RIOX1: variants seen among roughly 807,000 people sequenced by gnomAD.
RIOX1 encodes the protein 60S ribosomal protein L8 histidine hydroxylase.
Under a neutral mutation model 44.6 loss-of-function variants are expected in RIOX1, and 33 were observed. The ratio of observed to expected loss-of-function variants is 0.74; its 90% CI spans 0.56 to 0.99. The LOEUF (loss-of-function observed/expected upper bound fraction) is 0.99, where lower values mean the gene tolerates loss of function less well. Among genes scored for constraint, RIOX1 ranks in the 50% least tolerant of loss-of-function variants. RIOX1 has a pLI of 0.00. For synonymous variants in RIOX1, 387 were observed against 395.8 expected (o/e 0.98, Z 0.26); for missense variants, 821 against 871.7 (o/e 0.94, Z 0.73).
In RIOX1 at chr14:73,492,019, G is replaced by T. The variant is rs201606461; in HGVS notation, c.1002G>T (p.Ser334=). 9.4e-5 allele frequency: 152 copies of T among 1,613,792 alleles called. No homozygotes were observed. Among genetic ancestry groups the T allele is most frequent in the Middle Eastern group, 3.3e-4 (2 of 6,084 alleles). The change falls in exon 1 of 1, where the codon TCG becomes TCT. Residue 334 remains serine, a synonymous_variant. Coordinates refer to ENST00000304061, the MANE Select transcript of RIOX1 (RefSeq NM_024644.5). This position sits in a 1 kb window ranked among gnomAD's most constrained non-coding sequence, Gnocchi z 4.9. ...ACGTTTACCTCACGCCCCCTAACTC[G>T]CAGGGCTTTGCCCCCCACTACGACG... ...GSNVYLTPPN[S]QGFAPHYDDI...
In RIOX1 at chr14:73,491,073, G is replaced by C; in HGVS notation, c.56G>C (p.Arg19Pro). Residue 19 changes from arginine to proline, a missense_variant, in exon 1 of 1, where the codon CGG becomes CCG. Arg to Pro is a moderately radical substitution (Grantham distance 103). Around this residue, in one of 2 missense-constraint regions of RIOX1, gnomAD observed 554 missense variants for 531.2 expected, o/e 1.04. Transcript: ENST00000304061. Reference sequence around the variant, plus strand: ...TTGAGGCGCGGGCGGCCGAAGCGCCGGCGCAAGCCCCAGCCACACAGCGGG... The same window carrying C: ...TTGAGGCGCGGGCGGCCGAAGCGCCCGCGCAAGCCCCAGCCACACAGCGGG... ...GPLRRGRPKR[R>P]RKPQPHSGSV... is the part of the protein sequence containing the mutation. 1 of 1,595,526 alleles carries C rather than the reference G, an allele frequency of 6.3e-7. No homozygotes were observed. The highest frequency in any genetic ancestry group is 1.7e-4 in the Middle Eastern group (1 of 5,980).
Position 73,491,658 on chromosome 14 carries a change from C to G in RIOX1, c.641C>G (p.Pro214Arg), listed in dbSNP as rs1334891478. ...RLFEWLIAPM[P>R]PDHFYRRLWE... ...TTTGAGTGGCTCATCGCGCCCATGC[C>G]GCCAGATCACTTTTACCGGCGCCTA... The change falls in exon 1 of 1, where the codon CCG becomes CGG. Residue 214 changes from proline to arginine, a missense_variant. Physicochemically the swap from Pro to Arg is moderately radical, Grantham distance 103. Coordinates refer to ENST00000304061, the MANE Select transcript of RIOX1 (RefSeq NM_024644.5). 1 of 1,549,836 alleles carries G rather than the reference C, an allele frequency of 6.5e-7. No individual in the cohort carries two copies.
At position 73,493,159 on chromosome 14, in the gene RIOX1, GA is replaced by G. The variant is rs755326030; in HGVS notation, c.*224del. 7.7e-6 allele frequency: 12 copies of G among 1,565,590 alleles called. No homozygotes were observed. The highest frequency in any genetic ancestry group is 1.4e-5 in the African/African-American group (1 of 73,022). Reference sequence around the variant, plus strand: ...AAAGGAAAAGGAGAAGTTGGAGGTGGAAAAAAAACCCTTGATCCGTGATCAT... The same window carrying G: ...AAAGGAAAAGGAGAAGTTGGAGGTGGAAAAAAACCCTTGATCCGTGATCAT... On this transcript the variant is annotated 3_prime_UTR_variant, in exon 1 of 1. Transcript: ENST00000304061.
At position 73,491,201 on chromosome 14, in the gene RIOX1, A is replaced by T. The variant is rs1362197486; in HGVS notation, c.184A>T (p.Asn62Tyr). ...ALRTQTLPSE[N>Y]SEESRVESTA... The stretch of plus-strand genomic sequence containing the variant: ...GAGGACGCAGACGCTGCCTAGCGAG[A>T]ACTCGGAGGAATCGAGGGTGGAGTC... Residue 62 changes from asparagine (N) to tyrosine (Y), a missense_variant, in exon 1 of 1, where the codon AAC becomes TAC. Asn to Tyr is a moderately radical substitution (Grantham distance 143). Transcript: ENST00000304061. 3 of 1,595,592 alleles carry T rather than the reference A, an allele frequency of 1.9e-6. No homozygotes were observed. In the South Asian group the frequency reaches 3.4e-5, roughly 18 times the overall value.
At position 73,493,110 on chromosome 14, in the gene RIOX1, G is replaced by A; in HGVS notation, c.*167G>A. The A allele has an allele frequency of 6.2e-7, 1 of 1,612,418 alleles. No individual in the cohort carries two copies. Among genetic ancestry groups the A allele is most frequent in the Non-Finnish European group, 8.5e-7 (1 of 1,179,810 alleles). ...TCACAAACCTCGGAAGGTCTTCTAG[G>A]AAGAACCATCTCATCTAGGTACAAA... is the stretch of plus-strand genomic sequence containing the variant. On this transcript the variant is annotated 3_prime_UTR_variant, in exon 1 of 1. Transcript: ENST00000304061.
Position 73,493,102 on chromosome 14 carries a change from T to G in RIOX1, c.*159T>G. On this transcript the variant is annotated 3_prime_UTR_variant, in exon 1 of 1. Transcript: ENST00000304061. ...CTTCAGTGTCACAAACCTCGGAAGG[T>G]CTTCTAGGAAGAACCATCTCATCTA... is the stretch of plus-strand genomic sequence containing the variant. The G allele has an allele frequency of 6.2e-7, 1 of 1,612,342 alleles. No individual in the cohort carries two copies. The highest frequency in any genetic ancestry group is 8.5e-7 in the Non-Finnish European group (1 of 1,179,788).
chr14:73,492,668 C>G lies in RIOX1; in HGVS notation c.1651C>G (p.Leu551Val). The part of the protein sequence containing the change: ...QLTTETEVHM[L>V]QDGIARLVGE... ...GACAACAGAAACAGAAGTCCATATGCTTCAGGATGGGATAGCTCGGCTGGT... is the reference window on the plus strand; with the variant it reads ...GACAACAGAAACAGAAGTCCATATGGTTCAGGATGGGATAGCTCGGCTGGT... The change falls in exon 1 of 1, where the codon CTT (leucine) becomes GTT (valine). Residue 551 changes from leucine (L) to valine (V), a missense_variant. Leu to Val is a conservative substitution (Grantham distance 32, BLOSUM62 1). Transcript: ENST00000304061. This position sits in a 1 kb window ranked among gnomAD's most constrained non-coding sequence, Gnocchi z 4.9. 2.5e-6 allele frequency: 4 copies of G among 1,613,980 alleles called. No individual in the cohort carries two copies. The highest frequency in any genetic ancestry group is 1.6e-4 in the Middle Eastern group (1 of 6,062).
Position 73,490,946 on chromosome 14 carries a change from G to A in RIOX1, c.-72G>A, listed in dbSNP as rs1051869241. On this transcript the variant is annotated 5_prime_UTR_variant, in exon 1 of 1. Coordinates refer to ENST00000304061, the MANE Select transcript of RIOX1 (RefSeq NM_024644.5). ...CGCCCCCTTCCCAGAGTGCACCGCA[G>A]CCGCTGCATTCAGGAACCGCTTTAG... 1 of 1,281,034 alleles carries A rather than the reference G, an allele frequency of 7.8e-7. No individual in the cohort carries two copies. The highest frequency in any genetic ancestry group is 9.9e-7 in the Non-Finnish European group (1 of 1,009,028). The allele number at this position is 1,281,034 out of a possible 1,614,324, so 79.4% of individuals were successfully genotyped here.
chr14:73,491,494 G>T lies in RIOX1; in HGVS notation c.477G>T (p.Gln159His), dbSNP rs746737451. Reference sequence around the variant, plus strand: ...CCGCGCAACACTTAGCGGCCGTCCAGTCGTCCGGGGCCCCTGCGACGGCGT... The same window carrying T: ...CCGCGCAACACTTAGCGGCCGTCCATTCGTCCGGGGCCCCTGCGACGGCGT... ...LCTAQHLAAVQSSGAPATASG... is the reference protein window; with the variant it reads ...LCTAQHLAAVHSSGAPATASG... The change falls in exon 1 of 1, where the codon CAG (glutamine) becomes CAT (histidine). Residue 159 changes from glutamine (Q) to histidine (H), a missense_variant. Transcript: ENST00000304061. 7.3e-6 allele frequency: 11 copies of T among 1,506,900 alleles called. No homozygotes were observed. In the East Asian group the frequency reaches 2.7e-4, roughly 37 times the overall value. The allele number at this position is 1,506,900 out of a possible 1,614,324, so 93.3% of individuals were successfully genotyped here. A position where few individuals can be genotyped will look rare whatever the true frequency, so the allele number is the denominator to read the frequency against.
At position 73,491,464 on chromosome 14, in the gene RIOX1, G is replaced by C; in HGVS notation, c.447G>C (p.Leu149=). Residue 149 remains leucine (L), a synonymous_variant, in exon 1 of 1, where the codon CTG becomes CTC. Transcript: ENST00000304061. ...GGGTGGTGGAGACCTCGGCCCTGCT[G>C]TGCACCGCGCAACACTTAGCGGCCG... The part of the protein sequence containing the change: ...PVRVVETSAL[L]CTAQHLAAVQ... 2 of 1,479,312 alleles carry C rather than the reference G, an allele frequency of 1.4e-6. No individual in the cohort carries two copies. Among genetic ancestry groups the C allele is most frequent in the South Asian group, 2.7e-5 (2 of 74,384 alleles). The allele number at this position is 1,479,312 out of a possible 1,614,324, so 91.6% of individuals were successfully genotyped here.
In RIOX1 at chr14:73,491,437, C is replaced by G; in HGVS notation, c.420C>G (p.Val140=). The change falls in exon 1 of 1, where the codon GTC becomes GTG. Residue 140 remains valine, a synonymous_variant. Coordinates refer to ENST00000304061, the MANE Select transcript of RIOX1 (RefSeq NM_024644.5). ...ARLVEVPAAP[V]RVVETSALLC... ...TGGTGGAGGTGCCCGCCGCGCCGGT[C>G]CGGGTGGTGGAGACCTCGGCCCTGC... 7.3e-7 allele frequency: 1 copy of G among 1,361,094 alleles called. No individual in the cohort carries two copies. The highest frequency in any genetic ancestry group is 9.4e-7 in the Non-Finnish European group (1 of 1,067,344). The allele number at this position is 1,361,094 out of a possible 1,614,324, so 84.3% of individuals were successfully genotyped here. A position where few individuals can be genotyped will look rare whatever the true frequency, so the allele number is the denominator to read the frequency against.
chr14:73,491,433 C>T lies in RIOX1; in HGVS notation c.416C>T (p.Pro139Leu). Residue 139 changes from proline to leucine, a missense_variant, in exon 1 of 1, where the codon CCG (proline) becomes CTG (leucine). This residue lies in a region of RIOX1 where 554 missense variants were observed against 531.2 expected (regional missense o/e 1.04). Transcript: ENST00000304061. ...CGCCTGGTGGAGGTGCCCGCCGCGCCGGTCCGGGTGGTGGAGACCTCGGCC... is the reference window on the plus strand; with the variant it reads ...CGCCTGGTGGAGGTGCCCGCCGCGCTGGTCCGGGTGGTGGAGACCTCGGCC... ...PARLVEVPAA[P>L]VRVVETSALL... 1 of 1,354,776 alleles carries T rather than the reference C, an allele frequency of 7.4e-7. No individual in the cohort carries two copies. The highest frequency in any genetic ancestry group is 9.4e-7 in the Non-Finnish European group (1 of 1,063,700). 83.9% of individuals were successfully genotyped at this position (1,354,776 alleles called of 1,614,324 possible).
In RIOX1 at chr14:73,490,981, C is replaced by G. The variant is rs768578485; in HGVS notation, c.-37C>G. 24 of 1,323,272 alleles carry G rather than the reference C, an allele frequency of 1.8e-5. No individual in the cohort carries two copies. Among genetic ancestry groups the G allele is most frequent in the South Asian group, 2.2e-5 (1 of 44,832 alleles). The allele number at this position is 1,323,272 out of a possible 1,614,324, so 82.0% of individuals were successfully genotyped here. On this transcript the variant is annotated 5_prime_UTR_variant, in exon 1 of 1. Coordinates refer to ENST00000304061, the MANE Select transcript of RIOX1 (RefSeq NM_024644.5). ...TCAGGAACCGCTTTAGCTTCGCCCC[C>G]GGCCGGCCGGGCGGGGAAGACTGGT...
Position 73,492,904 on chromosome 14 carries a change from G to A in RIOX1, c.1887G>A (p.Lys629=). ...CCTTGGCAACCACGTTGTATGATAA[G>A]GGGCTGCTGCTCACTAAGATGCCTC... ...QLSLATTLYD[K]GLLLTKMPLA... The change falls in exon 1 of 1, where the codon AAG becomes AAA. Residue 629 remains lysine, a synonymous_variant. Transcript: ENST00000304061. The surrounding 1 kb of genome is among the most constrained non-coding windows in gnomAD (Gnocchi z 4.9). 6.2e-7 allele frequency: 1 copy of A among 1,613,836 alleles called. No homozygotes were observed. The highest frequency in any genetic ancestry group is 1.6e-4 in the Middle Eastern group (1 of 6,062).
chr14:73,492,744 T>C lies in RIOX1; in HGVS notation c.1727T>C (p.Val576Ala). ...TATTACACAGTGGAAAACTCCCGTG[T>C]GTATCATCTGGAAGAACCCAAGTGC... is the stretch of plus-strand genomic sequence containing the variant. ...FLYYTVENSR[V>A]YHLEEPKCLE... The change falls in exon 1 of 1, where the codon GTG becomes GCG. Residue 576 changes from valine to alanine, a missense_variant. By Grantham distance (64) the Val-to-Ala change is moderately conservative. Coordinates refer to ENST00000304061, the MANE Select transcript of RIOX1 (RefSeq NM_024644.5). This position sits in a 1 kb window ranked among gnomAD's most constrained non-coding sequence, Gnocchi z 4.9. 1 of 1,613,936 alleles carries C rather than the reference T, an allele frequency of 6.2e-7. No individual in the cohort carries two copies. The highest frequency in any genetic ancestry group is 1.1e-5 in the South Asian group (1 of 91,074).
rs1885810052 is a variant in RIOX1 at position 73,492,146 on chromosome 14, T to G, written c.1129T>G (p.Phe377Val). The change falls in exon 1 of 1, where the codon TTC (phenylalanine) becomes GTC (valine). Residue 377 changes from phenylalanine (F) to valine (V), a missense_variant. Phe to Val is a conservative substitution (Grantham distance 50, BLOSUM62 -1). This residue lies in a region of RIOX1 where 267 missense variants were observed against 340.5 expected (regional missense o/e 0.78). Transcript: ENST00000304061. This position sits in a 1 kb window ranked among gnomAD's most constrained non-coding sequence, Gnocchi z 4.9. Reference protein sequence around the residue: ...EELALTSSPNFSQDDLGEPVL... With the variant: ...EELALTSSPNVSQDDLGEPVL... ...ACTGGCTCTGACATCCAGCCCCAAC[T>G]TCAGTCAGGACGACCTCGGTGAGCC... is the stretch of plus-strand genomic sequence containing the variant. The G allele has an allele frequency of 6.2e-7, 1 of 1,613,796 alleles. No individual in the cohort carries two copies. Among genetic ancestry groups the G allele is most frequent in the South Asian group, 1.1e-5 (1 of 91,080 alleles).
chr14:73,492,242 T>TG lies in RIOX1; in HGVS notation c.1226dup (p.Cys409TrpfsTer22). Reference sequence around the variant, plus strand: ...TCGGGGCTTCATTCACCAAGCTGAATGCCAGGATGGAGTCCACTCTCTGCA... The same window carrying TG: ...TCGGGGCTTCATTCACCAAGCTGAATGGCCAGGATGGAGTCCACTCTCTGCA... On this transcript the variant is annotated frameshift_variant, in exon 1 of 1. Transcript: ENST00000304061. LOFTEE classifies it high-confidence loss of function. The surrounding 1 kb of genome is among the most constrained non-coding windows in gnomAD (Gnocchi z 4.9). The TG allele has an allele frequency of 6.2e-7, 1 of 1,614,048 alleles. No homozygotes were observed. Among genetic ancestry groups the TG allele is most frequent in the Non-Finnish European group, 8.5e-7 (1 of 1,179,894 alleles).
chr14:73,493,356 A>G lies in RIOX1; in HGVS notation c.*413A>G. 1 of 481,542 alleles carries G rather than the reference A, an allele frequency of 2.1e-6. No homozygotes were observed. Among genetic ancestry groups the G allele is most frequent in the Non-Finnish European group, 3.8e-6 (1 of 264,612 alleles). The allele number at this position is 481,542 out of a possible 1,614,324, so 29.8% of individuals were successfully genotyped here. On this transcript the variant is annotated 3_prime_UTR_variant, in exon 1 of 1. Coordinates refer to ENST00000304061, the MANE Select transcript of RIOX1 (RefSeq NM_024644.5). ...TCCTGTTTGTTATTGTTAAATTTGT[A>G]TGAACCTTAGAAAAGTTATTAAAGT...
Position 73,493,250 on chromosome 14 carries a change from T to C in RIOX1, c.*307T>C. The C allele has an allele frequency of 4.1e-6, 3 of 732,562 alleles. 1 individual carries two copies. Among genetic ancestry groups the C allele is most frequent in the Non-Finnish European group, 6.9e-6 (3 of 431,782 alleles). 45.4% of individuals were successfully genotyped at this position (732,562 alleles called of 1,614,324 possible). On this transcript the variant is annotated 3_prime_UTR_variant, in exon 1 of 1. Coordinates refer to ENST00000304061, the MANE Select transcript of RIOX1 (RefSeq NM_024644.5). Reference sequence around the variant, plus strand: ...CTGGGTAACACTGACCATGTCGTTCTGCTTGAGACAGATATTAGATTTTTT... The same window carrying C: ...CTGGGTAACACTGACCATGTCGTTCCGCTTGAGACAGATATTAGATTTTTT...
Sources: gnomAD v4.1 joint callset for allele counts on GRCh38, gnomAD v4.1.1 for gene constraint, gnomAD v4.1.1 regional missense constraint, Gnocchi (gnomAD v3.1) non-coding constraint, MANE v1.5 for transcripts, NCBI Gene and HGNC (gene_info 2026-07-23, HGNC 2026-07-21) for gene names.